Variants in RSPH14 observed in about 807,000 individuals in gnomAD.
RSPH14 encodes radial spoke head 14 homolog.
A neutral mutation model predicts 26.7 loss-of-function variants in RSPH14; 20 were observed. That is an observed-to-expected ratio of 0.75 (90% CI 0.53 to 1.09). The LOEUF (loss-of-function observed/expected upper bound fraction) is 1.09. RSPH14 is among the 50% of genes least tolerant of loss of function. The pLI, the probability that RSPH14 is intolerant of heterozygous loss-of-function variation, is 0.00. For missense variants in RSPH14, 449 were observed against 457.2 expected (o/e 0.98, Z 0.16); for synonymous variants, 177 against 189.3 (o/e 0.93, Z 0.53).
chr22:23,100,189 G>A (rs1569175604), intron 4 of RSPH14, among the ~76,000 whole-genome samples: 2 of 152,252 alleles, frequency 1.3e-5, no homozygotes, highest in Non-Finnish European at 2.9e-5. Flanking sequence ...GGAACTGGGG[G>A]ACAAGGAGGA....
intron 4 of RSPH14, among the ~76,000 whole-genome samples, chr22:23,066,488 G>C (rs1419767946): frequency 6.6e-6 from 1 of 152,206 alleles, no homozygotes; most frequent in Non-Finnish European, 1.5e-5. Flanking sequence ...CATTTGTCTT[G>C]TACTTCTGCT....
intron 4 of RSPH14, among the ~76,000 whole-genome samples, chr22:23,088,117 A>T (rs1047913457): frequency 2.0e-5 from 3 of 152,224 alleles, no homozygotes; most frequent in Non-Finnish European, 2.9e-5. Flanking sequence ...GAGTCAGTTA[A>T]ATCTCTTTCA....
At chr22:23,149,375 AG>A (rs1450292867), upstream of RSPH14, among the ~76,000 whole-genome samples, 1 of 151,998 alleles carries the variant, frequency 6.6e-6, no homozygotes, top group Non-Finnish European at 1.5e-5. Context: ...AGACCAGGTG[AG>A]GGTGGGTGGG....
chr22:23,073,431 G>T (rs1233398060), intron 4 of RSPH14, among the ~76,000 whole-genome samples: 1 of 152,214 alleles, frequency 6.6e-6, no homozygotes, highest in South Asian at 2.1e-4. Flanking sequence ...GTGGCTCCGG[G>T]GTGGTGAGGT....
At chr22:23,128,659 AT>A (rs2070240248) in intron 4 of RSPH14, among the ~76,000 whole-genome samples, 1 of 152,172 alleles carries the variant, frequency 6.6e-6, no homozygotes, top group African/African-American at 2.4e-5. Flanking sequence ...CAGAGCAAGG[AT>A]TCTGAAACCA....
At chr22:23,131,725 C>T (rs984653395) in intron 4 of RSPH14, 18 of 941,018 alleles carry the variant, frequency 1.9e-5, no homozygotes, top group Admixed American at 7.0e-5. Flanking sequence ...CAGCACTGGT[C>T]CCCCATGGAT....
At chr22:23,090,285 C>A (rs1056141546) in intron 4 of RSPH14, among the ~76,000 whole-genome samples, 1 of 152,094 alleles carries the variant, frequency 6.6e-6, no homozygotes, top group Non-Finnish European at 1.5e-5. Context: ...GTTCCCTGAT[C>A]GTCTCCCTGT....
At chr22:23,144,118 A>T (rs1443819217), upstream of RSPH14, among the ~76,000 whole-genome samples, 1 of 150,154 alleles carries the variant, frequency 6.7e-6, no homozygotes, top group African/African-American at 2.5e-5. Context: ...AAAAAAAAAA[A>T]AACAGCTAAA....
chr22:23,125,647 C>T (rs1484067862), intron 4 of RSPH14, among the ~76,000 whole-genome samples: 1 of 152,194 alleles, frequency 6.6e-6, no homozygotes, highest in Admixed American at 6.5e-5. Context: ...TATGTAACAC[C>T]CCACCTCAGC....
chr22:23,124,670 C>T (rs917215885), intron 4 of RSPH14: 5 of 200,562 alleles, frequency 2.5e-5, no homozygotes, highest in East Asian at 1.6e-4. Context: ...CAGCATGCCC[C>T]GCGCCTGAGA....
chr22:23,117,736 G>A (rs2069892583), intron 4 of RSPH14, among the ~76,000 whole-genome samples: 1 of 152,236 alleles, frequency 6.6e-6, no homozygotes, highest in African/African-American at 2.4e-5. Context: ...AGGAAACTGA[G>A]GCCCAGAGAA....
chr22:23,082,377 ATT>A (rs34931887), intron 4 of RSPH14, among the ~76,000 whole-genome samples: 124 of 116,476 alleles, frequency 1.1e-3, no homozygotes, highest in South Asian at 2.9e-3. Flanking sequence ...ACACCTGGCT[ATT>A]TTTTTTTTTT....
At chr22:23,114,791 A>G (rs2046071281) in intron 4 of RSPH14, among the ~76,000 whole-genome samples, 1 of 152,198 alleles carries the variant, frequency 6.6e-6, no homozygotes, top group South Asian at 2.1e-4. Flanking sequence ...CAGCTGCCAC[A>G]CCGGCTCCAG....
intron 4 of RSPH14, among the ~76,000 whole-genome samples, chr22:23,080,367 T>C (rs2146268892): frequency 6.6e-6 from 1 of 151,752 alleles, no homozygotes; most frequent in Non-Finnish European, 1.5e-5. Context: ...GTTCATCTCA[T>C]CTCCCCGGTC....
chr22:23,142,536 C>T (rs555027969), upstream of RSPH14, among the ~76,000 whole-genome samples: 3 of 152,342 alleles, frequency 2.0e-5, no homozygotes, highest in South Asian at 4.1e-4. Context: ...CAGGGTTTCG[C>T]CATGTTGGCC....
chr22:23,172,867 A>G, the RSPH14 span, among the ~76,000 whole-genome samples: 75 of 151,376 alleles, frequency 5.0e-4, no homozygotes, highest in African/African-American at 1.6e-3. Context: ...GGAGAATGGC[A>G]TGAACCCAGG....
intron 4 of RSPH14, among the ~76,000 whole-genome samples, chr22:23,077,938 A>G (rs1219511619): frequency 2.0e-5 from 3 of 151,852 alleles, no homozygotes; most frequent in Admixed American, 2.0e-4. Context: ...GGGAGGAGCA[A>G]CTCCACCATG....
chr22:23,153,766 A>G, the RSPH14 span, among the ~76,000 whole-genome samples: 1 of 133,890 alleles, frequency 7.5e-6, no homozygotes, highest in Admixed American at 8.8e-5. Flanking sequence ...GCGCAATCTC[A>G]GCTCACTGCA....
intron 4 of RSPH14, among the ~76,000 whole-genome samples, chr22:23,119,851 CAG>C (rs1195869093): frequency 6.6e-6 from 1 of 152,250 alleles, no homozygotes; most frequent in Admixed American, 6.5e-5. Flanking sequence ...GGCGTCTACA[CAG>C]AGATTTTGTT....
Sources: allele counts gnomAD v4.1 joint callset (sites outside exome capture counted in the v4.1 genomes callset), GRCh38; gene constraint gnomAD v4.1.1; transcripts MANE v1.5; gene names NCBI Gene and HGNC (gene_info 2026-07-23, HGNC 2026-07-21).